FOXP1: variants seen among roughly 807,000 people sequenced by gnomAD.
FOXP1 encodes the protein forkhead box P1.
FOXP1 carries 15 observed loss-of-function variants against 98.2 expected under a neutral mutation model. The observed-to-expected ratio is 0.15, with a 90% CI of 0.10 to 0.24. FOXP1 has a LOEUF of 0.24. FOXP1 is among the 10% of genes least tolerant of loss of function. FOXP1 has a pLI of 1.00. For missense variants in FOXP1, 633 were observed against 848.5 expected (o/e 0.75, Z 3.15); for synonymous variants, 371 against 314.5 (o/e 1.18, Z -1.90).
In FOXP1 at chr3:71,399,863, C is replaced by T. The variant is rs145200582; in HGVS notation, c.-167-40619G>A. 2.9e-3 allele frequency among the ~76,000 whole-genome samples: 434 copies of T among 152,244 alleles called. 2 individuals carry two copies. The highest frequency in any genetic ancestry group is 0.01 in the African/African-American group (417 of 41,534). On this transcript the variant is annotated intron_variant, in intron 3 of 20. Coordinates refer to ENST00000649528, the MANE Select transcript of FOXP1 (RefSeq NM_001349338.3). ...CCATGAAACTCTACAAATGGCTCTA[C>T]GAATCATTTAAAAATTTCTCCAGTT...
intron 6 of FOXP1, among the ~76,000 whole-genome samples, chr3:71,157,556 TC>T (rs890112848): frequency 2.6e-5 from 4 of 152,190 alleles, no homozygotes; most frequent in African/African-American, 9.6e-5. Flanking sequence ...TTAGAACACA[TC>T]CTTTAACCTA....
intron 14 of FOXP1, among the ~76,000 whole-genome samples, chr3:70,983,367 A>C (rs193008822): frequency 1.3e-5 from 2 of 152,280 alleles, no homozygotes; most frequent in Non-Finnish European, 2.9e-5. Context: ...ATGACTGCTT[A>C]ATATTATTTC....
At chr3:71,566,615 G>C (rs1040373886) in intron 2 of FOXP1, among the ~76,000 whole-genome samples, 2 of 152,202 alleles carry the variant, frequency 1.3e-5, no homozygotes, top group Non-Finnish European at 2.9e-5. Context: ...GTGAGGGAGA[G>C]AAGCCCAACA....
intron 7 of FOXP1, among the ~76,000 whole-genome samples, chr3:71,109,388 G>A (rs2057719762): frequency 6.7e-6 from 1 of 150,370 alleles, no homozygotes; most frequent in Non-Finnish European, 1.5e-5. Context: ...TGTGAGATAT[G>A]CTTAAAATAT....
chr3:71,279,284 A>G (rs568161209), intron 5 of FOXP1, among the ~76,000 whole-genome samples: 2 of 152,246 alleles, frequency 1.3e-5, no homozygotes, highest in South Asian at 2.1e-4. Context: ...TGTTTATCAA[A>G]TTTAAATACA....
intron 2 of FOXP1, among the ~76,000 whole-genome samples, chr3:71,515,564 T>C (rs1185859687): frequency 6.6e-6 from 1 of 151,692 alleles, no homozygotes; most frequent in Admixed American, 6.6e-5. Context: ...ACAGGGGTCA[T>C]CAAAATGCCT....
intron 3 of FOXP1, among the ~76,000 whole-genome samples, chr3:71,443,924 A>C (rs1396663797): frequency 1.3e-5 from 2 of 151,788 alleles, no homozygotes; most frequent in African/African-American, 4.8e-5. Context: ...ATTCTATGAG[A>C]CCCCCAAAGG....
rs2048177038 is a variant in FOXP1, at chr3:71,581,628, C to A, written c.-377G>T. ...GCCGGCAGCACCATGGTCCCCGGCG[C>A]CGCTGCCGCTGCCCCCGGCCCGCTC... On this transcript the variant is annotated 5_prime_UTR_variant, in exon 2 of 21. Coordinates refer to ENST00000649528, the MANE Select transcript of FOXP1 (RefSeq NM_001349338.3). 4.1e-6 allele frequency: 4 copies of A among 985,754 alleles called. No individual in the cohort carries two copies. The highest frequency in any genetic ancestry group is 4.8e-6 in the Non-Finnish European group (4 of 830,098). The allele number at this position is 985,754 out of a possible 1,614,324, so 61.1% of individuals were successfully genotyped here.
chr3:71,372,525 G>C (rs2079413692), intron 3 of FOXP1, among the ~76,000 whole-genome samples: 1 of 152,042 alleles, frequency 6.6e-6, no homozygotes, highest in African/African-American at 2.4e-5. Flanking sequence ...AGTTCTCCTG[G>C]TGGAGCTGTC....
At chr3:71,419,234 CAAAAAAAAAAAAAA>C (rs36072859) in intron 3 of FOXP1, among the ~76,000 whole-genome samples, 1 of 47,818 alleles carries the variant, frequency 2.1e-5, no homozygotes, top group Non-Finnish European at 3.2e-5. Context: ...GACTCCATCT[CAAAAAAAAAAAAAA>C]AAAAAAAAAA....
chr3:71,436,976 T>G (rs893103927), intron 3 of FOXP1, among the ~76,000 whole-genome samples: 9 of 152,186 alleles, frequency 5.9e-5, no homozygotes, highest in Non-Finnish European at 1.2e-4. Context: ...ATATCCCACA[T>G]TATTTGGAGT....
intron 6 of FOXP1, among the ~76,000 whole-genome samples, chr3:71,132,682 C>T (rs991068936): frequency 2.0e-5 from 3 of 152,010 alleles, no homozygotes; most frequent in African/African-American, 7.3e-5. Flanking sequence ...AAATTAGTGC[C>T]CCTCTTTTTT....
chr3:71,074,647 C>T (rs1378342395), intron 7 of FOXP1, among the ~76,000 whole-genome samples: 2 of 152,124 alleles, frequency 1.3e-5, no homozygotes, highest in Non-Finnish European at 2.9e-5. Flanking sequence ...GGGGGTAAAA[C>T]TAAGCCTGGA....
chr3:70,968,497 A>AGTT (rs2035474508), intron 19 of FOXP1: 1 of 152,040 alleles, frequency 6.6e-6, no homozygotes, highest in African/African-American at 2.4e-5. Flanking sequence ...CAAAAAATGA[A>AGTT]GTTGCTTAAG....
intron 5 of FOXP1, among the ~76,000 whole-genome samples, chr3:71,293,340 G>C (rs914455248): frequency 6.6e-6 from 1 of 152,112 alleles, no homozygotes; most frequent in African/African-American, 2.4e-5. Flanking sequence ...AGTGGTGTGA[G>C]CCTATAGTCC....
intron 4 of FOXP1, among the ~76,000 whole-genome samples, chr3:71,322,284 ATAAAT>A (rs920446632): frequency 1.3e-5 from 2 of 152,232 alleles, no homozygotes; most frequent in African/African-American, 4.8e-5. Flanking sequence ...TTAAGTTTAA[ATAAAT>A]TAAAACTAAA....
At chr3:70,989,347 T>C (rs1421081545) in intron 13 of FOXP1, among the ~76,000 whole-genome samples, 2 of 151,826 alleles carry the variant, frequency 1.3e-5, no homozygotes, top group Non-Finnish European at 2.9e-5. Context: ...AGGAATAAAT[T>C]AAGAAAGAAA....
chr3:71,170,626 G>C (rs150506998), intron 6 of FOXP1, among the ~76,000 whole-genome samples: 1 of 152,274 alleles, frequency 6.6e-6, no homozygotes, highest in Non-Finnish European at 1.5e-5. Context: ...TTGACTATAG[G>C]ATGTTTTATT....
chr3:71,006,460 G>A lies in FOXP1; in HGVS notation c.975-5401C>T, dbSNP rs539809545. On this transcript the variant is annotated intron_variant, in intron 12 of 20. Transcript: ENST00000649528. ...GACAGCTAAAAAGTACCAGTTATACGTTTATGAAGTACCAGCAATCAAAAT... is the reference window on the plus strand; with the variant it reads ...GACAGCTAAAAAGTACCAGTTATACATTTATGAAGTACCAGCAATCAAAAT... Among the ~76,000 whole-genome samples the A allele has an allele frequency of 5.9e-5, 9 of 152,136 alleles. No homozygotes were observed. The South Asian group carries it at 8.3e-4, about 14-fold the overall frequency.
Sources: gnomAD v4.1 joint callset for allele counts (sites outside exome capture counted in the v4.1 genomes callset) on GRCh38, gnomAD v4.1.1 for gene constraint, MANE v1.5 for transcripts, NCBI Gene and HGNC (gene_info 2026-07-23, HGNC 2026-07-21) for gene names.